Variants in ARHGAP15 observed in about 807,000 individuals in gnomAD.
The protein encoded by ARHGAP15 is Rho GTPase activating protein 15.
Under a neutral mutation model 63.7 loss-of-function variants are expected in ARHGAP15, and 51 were observed. The observed-to-expected ratio is 0.80, with a 90% CI of 0.64 to 1.01. The LOEUF is 1.01. Among genes scored for constraint, ARHGAP15 ranks in the 50% least tolerant of loss-of-function variants. ARHGAP15 has a pLI of 0.00. For missense variants in ARHGAP15, 560 were observed against 564.6 expected (o/e 0.99, Z 0.08); for synonymous variants, 191 against 193.8 (o/e 0.99, Z 0.12).
chr2:143,297,949 T>G (rs1006104414), intron 6 of ARHGAP15, among the ~76,000 whole-genome samples: 1 of 152,044 alleles, frequency 6.6e-6, no homozygotes, highest in Admixed American at 6.6e-5. Flanking sequence ...AAATGTTCTG[T>G]GTGATCTTCT....
intron 7 of ARHGAP15, 35 bp from the exon 8 acceptor site, chr2:143,436,878 T>C (rs6755050): frequency 0.078 from 124,180 of 1,584,618 alleles, 5,751 homozygotes; most frequent in African/African-American, 0.21. Context: ...TTCTTTCTAG[T>C]AAAATTATTC....
chr2:143,542,377 C>T (rs917695375), intron 10 of ARHGAP15, among the ~76,000 whole-genome samples: 14 of 152,052 alleles, frequency 9.2e-5, no homozygotes, highest in African/African-American at 2.9e-4. Context: ...GCACTGCACC[C>T]ACTCTCCTGC....
At position 143,605,206 on chromosome 2, in the gene ARHGAP15, C is replaced by T. The variant is rs968061595; in HGVS notation, c.1004-18927C>T. ...CACCCAGCCATACTTTGCATTTTTA[C>T]AGCTTGTTTTCACCTATATTTTTTG... is the stretch of plus-strand genomic sequence containing the variant. On this transcript the variant is annotated intron_variant, in intron 11 of 13. Coordinates refer to ENST00000295095, the MANE Select transcript of ARHGAP15 (RefSeq NM_018460.4). Among the ~76,000 whole-genome samples, 7 of 152,048 alleles carry T rather than the reference C, an allele frequency of 4.6e-5. No homozygotes were observed. In the South Asian group the frequency reaches 1.2e-3, roughly 27 times the overall value.
chr2:143,446,062 T>C (rs1049004330), intron 8 of ARHGAP15, among the ~76,000 whole-genome samples: 1 of 151,428 alleles, frequency 6.6e-6, no homozygotes, highest in East Asian at 1.9e-4. Flanking sequence ...TTGAGTACAG[T>C]TCTTAACTCC....
chr2:143,229,780 T>G (rs1472151851), intron 5 of ARHGAP15, among the ~76,000 whole-genome samples: 3 of 152,172 alleles, frequency 2.0e-5, no homozygotes, highest in African/African-American at 7.2e-5. Context: ...AGAAAATCAT[T>G]TGCTAGGAGA....
chr2:143,506,705 T>G (rs1294013240), intron 9 of ARHGAP15, among the ~76,000 whole-genome samples: 1 of 152,162 alleles, frequency 6.6e-6, no homozygotes, highest in African/African-American at 2.4e-5. Context: ...TCATGTTAAT[T>G]ATTTGAAATA....
chr2:143,376,891 T>C (rs1398926255), intron 6 of ARHGAP15, among the ~76,000 whole-genome samples: 1 of 152,108 alleles, frequency 6.6e-6, no homozygotes, highest in Non-Finnish European at 1.5e-5. Context: ...CCTTTTTTGC[T>C]TTTTAGATTG....
intron 6 of ARHGAP15, among the ~76,000 whole-genome samples, chr2:143,399,614 A>C (rs982184850): frequency 8.5e-5 from 13 of 152,094 alleles, no homozygotes; most frequent in African/African-American, 1.2e-4. Flanking sequence ...CATTCATAAT[A>C]TCTCTGTGAA....
intron 6 of ARHGAP15, among the ~76,000 whole-genome samples, chr2:143,321,256 C>T (rs1178440349): frequency 6.6e-6 from 1 of 152,212 alleles, no homozygotes; most frequent in Non-Finnish European, 1.5e-5. Context: ...CTGCCCCAGT[C>T]CAATGTTAGG....
At chr2:143,570,598 C>T (rs1168366925) in intron 11 of ARHGAP15, among the ~76,000 whole-genome samples, 1 of 152,166 alleles carries the variant, frequency 6.6e-6, no homozygotes, top group Non-Finnish European at 1.5e-5. Flanking sequence ...TTGGCACATG[C>T]TGGAGATCAG....
intron 13 of ARHGAP15, among the ~76,000 whole-genome samples, chr2:143,725,180 A>G (rs922934609): frequency 6.6e-6 from 1 of 152,252 alleles, no homozygotes; most frequent in Non-Finnish European, 1.5e-5. Context: ...AAGTAAAAGA[A>G]GTTTTATTGG....
chr2:143,322,286 C>A (rs577913691), intron 6 of ARHGAP15, among the ~76,000 whole-genome samples: 1 of 152,100 alleles, frequency 6.6e-6, no homozygotes, highest in African/African-American at 2.4e-5. Flanking sequence ...CAAGAAAATC[C>A]GTGATCTAAG....
At chr2:143,497,429 T>C (rs895803925) in intron 9 of ARHGAP15, among the ~76,000 whole-genome samples, 6 of 152,142 alleles carry the variant, frequency 3.9e-5, no homozygotes, top group Admixed American at 3.9e-4. Flanking sequence ...GCAGGGCCCT[T>C]GTCAGTGTTC....
intron 11 of ARHGAP15, among the ~76,000 whole-genome samples, chr2:143,576,636 C>T (rs1450033683): frequency 2.6e-5 from 4 of 151,978 alleles, no homozygotes; most frequent in Admixed American, 2.6e-4. Flanking sequence ...CCTAGCATAC[C>T]TTTAATGGAA....
chr2:143,148,234 C>T (rs770752340), intron 1 of ARHGAP15, among the ~76,000 whole-genome samples: 42 of 151,974 alleles, frequency 2.8e-4, no homozygotes, highest in Non-Finnish European at 4.9e-4. Context: ...CCTCACATCA[C>T]CTCCACCCTA....
intron 8 of ARHGAP15, among the ~76,000 whole-genome samples, chr2:143,459,477 T>A (rs1371362376): frequency 6.6e-6 from 1 of 152,140 alleles, no homozygotes; most frequent in Non-Finnish European, 1.5e-5. Flanking sequence ...ATAAATCTTA[T>A]CAACTACTAT....
chr2:143,407,450 A>G (rs939275272), intron 6 of ARHGAP15, among the ~76,000 whole-genome samples: 6 of 151,994 alleles, frequency 3.9e-5, no homozygotes, highest in African/African-American at 1.4e-4. Flanking sequence ...TCATCTATGT[A>G]GTGGTTTAGA....
rs1233726754 is a variant in ARHGAP15, at chr2:143,763,768, ATATT to A, written c.1245-4217_1245-4214del. On this transcript the variant is annotated intron_variant, in intron 13 of 13. Coordinates refer to ENST00000295095, the MANE Select transcript of ARHGAP15 (RefSeq NM_018460.4). ...TATATGTATATGTATGTATATAAAT[ATATT>A]TATATACATATAAATTTTATGTATA... Among the ~76,000 whole-genome samples, 25 of 147,518 alleles carry A rather than the reference ATATT, an allele frequency of 1.7e-4. No homozygotes were observed. In the East Asian group the frequency reaches 4.7e-3, roughly 28 times the overall value.
At chr2:143,304,279 A>G (rs1558878748) in intron 6 of ARHGAP15, among the ~76,000 whole-genome samples, 1 of 152,188 alleles carries the variant, frequency 6.6e-6, no homozygotes, top group Non-Finnish European at 1.5e-5. Flanking sequence ...CAGCCATAAA[A>G]AAGGATGAGT....
Sources: allele counts gnomAD v4.1 joint callset (sites outside exome capture counted in the v4.1 genomes callset), GRCh38; gene constraint gnomAD v4.1.1; transcripts MANE v1.5; gene names NCBI Gene and HGNC (gene_info 2026-07-23, HGNC 2026-07-21).